The following CCDC69 variants were observed in gnomAD, a reference collection of about 807,000 sequenced individuals.
CCDC69 encodes coiled-coil domain-containing protein 69.
In CCDC69, 38 loss-of-function variants were observed where a neutral mutation model predicts 40.3. The observed-to-expected ratio is 0.94, with a 90% CI of 0.73 to 1.24. CCDC69 has a LOEUF of 1.24. Among genes scored for constraint, CCDC69 ranks in the 50% most tolerant of loss-of-function variants. CCDC69 has a pLI of 0.00. For missense variants in CCDC69, 389 were observed against 357.9 expected (o/e 1.09, Z -0.70); for synonymous variants, 141 against 138.9 (o/e 1.02, Z -0.11).
At chr5:151,216,406 A>ATTTTTTTT (rs1262419326) in intron 1 of CCDC69, among the ~76,000 whole-genome samples, 23 of 116,306 alleles carry the variant, frequency 2.0e-4, no homozygotes, top group East Asian at 2.4e-4. Flanking sequence ...AATTATTAGG[A>ATTTTTTTT]TTTTTTTTTT....
intron 1 of CCDC69, among the ~76,000 whole-genome samples, chr5:151,206,438 C>T (rs2113997064): frequency 6.6e-6 from 1 of 152,278 alleles, no homozygotes; most frequent in South Asian, 2.1e-4. Context: ...TCTCCCCTCC[C>T]CAGAGGTTGT....
chr5:151,213,061 G>A (rs1005299373), intron 1 of CCDC69, among the ~76,000 whole-genome samples: 6 of 152,052 alleles, frequency 3.9e-5, no homozygotes, highest in East Asian at 1.9e-4. Context: ...ACTGATGTTC[G>A]GCAAGTGAAA....
intron 2 of CCDC69, among the ~76,000 whole-genome samples, chr5:151,202,374 A>G (rs1752787793): frequency 6.6e-6 from 1 of 152,102 alleles, no homozygotes; most frequent in South Asian, 2.1e-4. Context: ...AATAATAATA[A>G]TAATTTAAAA....
intron 2 of CCDC69, among the ~76,000 whole-genome samples, chr5:151,203,944 T>TAC (rs911868571): frequency 2.8e-4 from 40 of 143,566 alleles, no homozygotes; most frequent in Non-Finnish European, 5.1e-4. Context: ...AAAATATATA[T>TAC]ACTATATATA....
At chr5:151,192,087 G>GAAAAAA (rs34310340) in intron 4 of CCDC69, among the ~76,000 whole-genome samples, 5 of 38,800 alleles carry the variant, frequency 1.3e-4, no homozygotes, top group African/African-American at 2.4e-4. Context: ...CCTGTCTCAG[G>GAAAAAA]AAAAAAAAAA....
At chr5:151,213,023 C>A (rs1752975278) in intron 1 of CCDC69, 3 of 384,426 alleles carry the variant, frequency 7.8e-6, no homozygotes, top group Admixed American at 6.2e-5. Context: ...ACCCTGAACT[C>A]TAACAGTCTA....
chr5:151,194,095 A>G (rs1337585171), intron 4 of CCDC69, among the ~76,000 whole-genome samples: 1 of 152,266 alleles, frequency 6.6e-6, no homozygotes, highest in Non-Finnish European at 1.5e-5. Flanking sequence ...GGTATAACTC[A>G]TACATCACAG....
chr5:151,217,002 C>T (rs149043793), intron 1 of CCDC69, among the ~76,000 whole-genome samples: 7 of 152,038 alleles, frequency 4.6e-5, no homozygotes, highest in African/African-American at 1.7e-4. Context: ...GATGGAAGGA[C>T]TACATTCTAA....
intron 4 of CCDC69, among the ~76,000 whole-genome samples, chr5:151,194,863 G>T (rs1176668012): frequency 3.7e-5 from 5 of 133,572 alleles, no homozygotes; most frequent in Non-Finnish European, 7.6e-5. Flanking sequence ...CTGCACTCCA[G>T]CCTGGGTGAC....
rs1187418824 is a variant in CCDC69 at position 151,183,214 on chromosome 5, G to A, written c.*223C>T. 1.5e-6 allele frequency: 1 copy of A among 686,120 alleles called. No individual in the cohort carries two copies. The highest frequency in any genetic ancestry group is 2.0e-5 in the Admixed American group (1 of 49,310). The allele number at this position is 686,120 out of a possible 1,614,324, so 42.5% of individuals were successfully genotyped here. A position where few individuals can be genotyped will look rare whatever the true frequency, so the allele number is the denominator to read the frequency against. The stretch of plus-strand genomic sequence containing the variant: ...AATGTCTCCTCTTGCTTATTCCCTT[G>A]GCCAACTCAAGGGAAGACGCTTCTC... On this transcript the variant is annotated 3_prime_UTR_variant, in exon 9 of 9. Transcript: ENST00000355417.
rs1752475851 is a variant in CCDC69 at position 151,185,227 on chromosome 5, AGAT to A, written c.615+192_615+194del. On this transcript the variant is annotated intron_variant, in intron 7 of 8. Transcript: ENST00000355417. ...AGTAGCCTCAAAAGGCACAGGACTC[AGAT>A]GATAAGGAGCCACTGCTTGACCCAG... is the stretch of plus-strand genomic sequence containing the variant. 5 of 554,776 alleles carry A rather than the reference AGAT, an allele frequency of 9.0e-6. No individual in the cohort carries two copies. The South Asian group carries it at 9.4e-5, about 10-fold the overall frequency. 34.4% of individuals were successfully genotyped at this position (554,776 alleles called of 1,614,324 possible).
At chr5:151,190,605 G>T (rs1582040181) in intron 4 of CCDC69, among the ~76,000 whole-genome samples, 1 of 142,626 alleles carries the variant, frequency 7.0e-6, no homozygotes, top group East Asian at 2.2e-4. Flanking sequence ...GGCAGAGTTT[G>T]CAATGAGCCC....
intron 2 of CCDC69, among the ~76,000 whole-genome samples, chr5:151,203,120 C>G (rs1752799074): frequency 6.6e-6 from 1 of 152,080 alleles, no homozygotes; most frequent in African/African-American, 2.4e-5. Context: ...CAAAGTCACC[C>G]AGTTCAAAAT....
chr5:151,221,767 C>A (rs1056521270), intron 1 of CCDC69, among the ~76,000 whole-genome samples: 1 of 152,268 alleles, frequency 6.6e-6, no homozygotes, highest in Non-Finnish European at 1.5e-5. Context: ...TCATGGTTAT[C>A]AGAACCTAAC....
intron 1 of CCDC69, among the ~76,000 whole-genome samples, chr5:151,214,917 A>G (rs1753015161): frequency 6.6e-6 from 1 of 152,216 alleles, no homozygotes; most frequent in African/African-American, 2.4e-5. Context: ...ACTGAGGCCT[A>G]GAGAAAGCCT....
rs1766656726 is a variant in CCDC69, at chr5:151,182,712, G to T, written c.*725C>A. On this transcript the variant is annotated 3_prime_UTR_variant, in exon 9 of 9. Transcript: ENST00000355417. ...GAAGGGCCAGGAGGGCTGAGGGGAT[G>T]CACCTTGCCTGGTAAAGGAAGAGGA... 1 of 294,242 alleles carries T rather than the reference G, an allele frequency of 3.4e-6. No homozygotes were observed. Among genetic ancestry groups the T allele is most frequent in the African/African-American group, 2.2e-5 (1 of 45,678 alleles). 18.2% of individuals were successfully genotyped at this position (294,242 alleles called of 1,614,324 possible).
At chr5:151,223,492 A>G (rs1357626006) in intron 1 of CCDC69, among the ~76,000 whole-genome samples, 5 of 152,218 alleles carry the variant, frequency 3.3e-5, no homozygotes, top group Non-Finnish European at 7.3e-5. Context: ...AGGGATGCTG[A>G]TACTGCGAGT....
intron 1 of CCDC69, 152 bp from the exon 2 acceptor site, chr5:151,205,627 C>T (rs889695545): frequency 1.1e-5 from 7 of 664,124 alleles, no homozygotes; most frequent in South Asian, 7.8e-5. Flanking sequence ...TGCCTCGCAG[C>T]CCCAGGCAGC....
chr5:151,192,753 A>C (rs1445668998), intron 4 of CCDC69, among the ~76,000 whole-genome samples: 1 of 152,208 alleles, frequency 6.6e-6, no homozygotes, highest in Non-Finnish European at 1.5e-5. Context: ...AAACATTCTC[A>C]GTAAAACATT....
Sources: allele counts gnomAD v4.1 joint callset (sites outside exome capture counted in the v4.1 genomes callset), GRCh38; gene constraint gnomAD v4.1.1; transcripts MANE v1.5; gene names NCBI Gene and HGNC (gene_info 2026-07-23, HGNC 2026-07-21).